PNLIPRP3: variants seen among roughly 807,000 people sequenced by gnomAD.
PNLIPRP3 encodes pancreatic lipase related protein 3.
PNLIPRP3 carries 58 observed loss-of-function variants against 52.8 expected under a neutral mutation model. The observed-to-expected ratio is 1.10, with a 90% confidence interval of 0.89 to 1.37. The LOEUF (loss-of-function observed/expected upper bound fraction) is 1.37. Ranked by LOEUF, PNLIPRP3 falls within the 40% of genes most tolerant of loss-of-function variation. The pLI, the probability that PNLIPRP3 is intolerant of heterozygous loss-of-function variation, is 0.00. For missense variants in PNLIPRP3, 593 were observed against 561.6 expected (o/e 1.06, Z -0.57); for synonymous variants, 192 against 185.0 (o/e 1.04, Z -0.31).
At chr10:116,431,693 G>T (rs1270864258) in intron 1 of PNLIPRP3, among the ~76,000 whole-genome samples, 1 of 152,074 alleles carries the variant, frequency 6.6e-6, no homozygotes, top group Non-Finnish European at 1.5e-5. Flanking sequence ...AAATGAACAA[G>T]CCCAAAAGCA....
chr10:116,475,561 C>T (rs966861590), intron 10 of PNLIPRP3, among the ~76,000 whole-genome samples: 1 of 152,156 alleles, frequency 6.6e-6, no homozygotes, highest in Non-Finnish European at 1.5e-5. Context: ...CTTGGAAGAA[C>T]AGTTTCCTCT....
rs1589977908 is a variant in PNLIPRP3, at chr10:116,443,155, G to A, written c.305G>A (p.Trp102Ter). ...GCTGGATGGAAAACAGATGGCAAAT[G>A]GCAGAGAGACATGTGCAATGTATGA... is the stretch of plus-strand genomic sequence containing the variant. ...NIAGWKTDGK[W>*]QRDMCNVLLQ... Residue 102 changes from tryptophan (W) to a stop codon, truncating the protein, a stop_gained, in exon 3 of 12, where the codon TGG becomes TAG. Coordinates refer to ENST00000369230, the MANE Select transcript of PNLIPRP3 (RefSeq NM_001011709.3). LOFTEE classifies it high-confidence loss of function. 1.9e-6 allele frequency: 3 copies of A among 1,610,612 alleles called. No individual in the cohort carries two copies. Among genetic ancestry groups the A allele is most frequent in the Middle Eastern group, 3.3e-4 (2 of 6,042 alleles).
intron 7 of PNLIPRP3, 115 bp downstream of exon 7, chr10:116,461,405 A>T (rs1846190627): frequency 1.6e-6 from 2 of 1,278,884 alleles, no homozygotes; most frequent in Non-Finnish European, 2.1e-6. Context: ...TTTCTCTCAA[A>T]ACACAGTTGC....
Position 116,428,030 on chromosome 10 carries a change from T to C in PNLIPRP3, c.18T>C (p.Ile6=), listed in dbSNP as rs761729266. 5.0e-6 allele frequency: 8 copies of C among 1,609,598 alleles called. No homozygotes were observed. The highest frequency in any genetic ancestry group is 6.8e-6 in the Non-Finnish European group (8 of 1,176,946). Residue 6 remains isoleucine (I), a synonymous_variant, in exon 1 of 12, where the codon ATT becomes ATC. Coordinates refer to ENST00000369230, the MANE Select transcript of PNLIPRP3 (RefSeq NM_001011709.3). ...CAGCTTAGATGCTTGGAATTTGGAT[T>C]GTTGCATTCTTGTTCTTTGGCACAT... MLGIW[I]VAFLFFGTSR...
intron 4 of PNLIPRP3, among the ~76,000 whole-genome samples, chr10:116,450,282 G>A (rs958304587): frequency 1.3e-5 from 2 of 152,122 alleles, no homozygotes; most frequent in African/African-American, 4.8e-5. Context: ...TGAGATTTAT[G>A]CATGGACCTT....
At chr10:116,450,147 A>G (rs1846013981) in intron 4 of PNLIPRP3, among the ~76,000 whole-genome samples, 1 of 152,196 alleles carries the variant, frequency 6.6e-6, no homozygotes, top group South Asian at 2.1e-4. Context: ...TTAAAAAGAA[A>G]AAAGCTCTCC....
intron 4 of PNLIPRP3, among the ~76,000 whole-genome samples, chr10:116,445,556 T>TAGA (rs1396962640): frequency 2.9e-5 from 1 of 34,894 alleles, no homozygotes; most frequent in Admixed American, 2.8e-4. Context: ...ATCTTCTCTT[T>TAGA]ATAAAAAAAA....
intron 10 of PNLIPRP3, among the ~76,000 whole-genome samples, chr10:116,474,205 C>G (rs1260442597): frequency 6.6e-6 from 1 of 152,142 alleles, no homozygotes; most frequent in Non-Finnish European, 1.5e-5. Flanking sequence ...AAAGAATCCC[C>G]TACTCAATAA....
intron 1 of PNLIPRP3, 23 bp downstream of exon 1, chr10:116,428,084 A>T (rs540730504): frequency 6.5e-7 from 1 of 1,543,282 alleles, no homozygotes; most frequent in Admixed American, 1.7e-5. Context: ...ATTTATAATA[A>T]GTTCTTTAAA....
chr10:116,451,959 C>T (rs540543812), intron 4 of PNLIPRP3, among the ~76,000 whole-genome samples: 1 of 152,054 alleles, frequency 6.6e-6, no homozygotes. Flanking sequence ...CAGAAGAATA[C>T]AGGAAGATGA....
chr10:116,476,583 G>A, intron 10 of PNLIPRP3, 69 bp from the exon 11 acceptor site: 1 of 1,272,010 alleles, frequency 7.9e-7, no homozygotes, highest in Non-Finnish European at 1.1e-6. Context: ...TGCATACACA[G>A]ATGTGTTTTC....
chr10:116,436,865 G>A lies in PNLIPRP3; in HGVS notation c.204G>A (p.Gln68=), dbSNP rs1845782226. The A allele has an allele frequency of 6.3e-7, 1 of 1,578,486 alleles. No homozygotes were observed. The highest frequency in any genetic ancestry group is 2.3e-5 in the East Asian group (1 of 44,302). ...CTATACACAATCCCAATGCCTATCAGGTAAGCTAACTTGCAGCCTTCACAC... is the reference window on the plus strand; with the variant it reads ...CTATACACAATCCCAATGCCTATCAAGTAAGCTAACTTGCAGCCTTCACAC... ...LYTIHNPNAY[Q]EISAVNSSTI... is the part of the protein sequence containing the mutation. Residue 68 remains glutamine (Q), a splice_region_variant and synonymous_variant, in exon 2 of 12, where the codon CAG becomes CAA. Coordinates refer to ENST00000369230, the MANE Select transcript of PNLIPRP3 (RefSeq NM_001011709.3).
At chr10:116,444,329 TCG>T (rs1845910605) in intron 3 of PNLIPRP3, 51 bp from the exon 4 acceptor site, 1 of 1,455,756 alleles carries the variant, frequency 6.9e-7, no homozygotes, top group Non-Finnish European at 9.3e-7. Flanking sequence ...TTGAGACACG[TCG>T]GTTTCCTTGA....
chr10:116,477,331 C>A lies in PNLIPRP3; in HGVS notation c.*178C>A. On this transcript the variant is annotated 3_prime_UTR_variant, in exon 12 of 12. Coordinates refer to ENST00000369230, the MANE Select transcript of PNLIPRP3 (RefSeq NM_001011709.3). ...TGTGTAGAATGTTCATCTAACTGCA[C>A]CTTAAAAACACACTGAACCCTGGGA... is the stretch of plus-strand genomic sequence containing the variant. 1 of 455,422 alleles carries A rather than the reference C, an allele frequency of 2.2e-6. No homozygotes were observed. Among genetic ancestry groups the A allele is most frequent in the South Asian group, 4.0e-5 (1 of 24,966 alleles). 28.2% of individuals were successfully genotyped at this position (455,422 alleles called of 1,614,324 possible).
At chr10:116,468,056 C>T (rs933601616) in intron 8 of PNLIPRP3, among the ~76,000 whole-genome samples, 2 of 129,090 alleles carry the variant, frequency 1.5e-5, no homozygotes, top group Non-Finnish European at 3.1e-5. Context: ...ACCCGGGAGG[C>T]GGAGCTTGCA....
intron 2 of PNLIPRP3, chr10:116,439,601 C>T (rs939889410): frequency 6.4e-6 from 5 of 778,714 alleles, no homozygotes; most frequent in South Asian, 1.4e-5. Context: ...CATACTTTTT[C>T]AGCTTTGCCA....
intron 3 of PNLIPRP3, among the ~76,000 whole-genome samples, chr10:116,443,802 CATATATATATATATATAT>C (rs1200044232): frequency 3.1e-4 from 4 of 13,104 alleles, no homozygotes; most frequent in African/African-American, 4.5e-4. Context: ...TGTGTGTGTG[CATATATATATATATATAT>C]ATATATATAT....
chr10:116,446,866 G>T (rs747150913), intron 4 of PNLIPRP3, among the ~76,000 whole-genome samples: 11 of 152,122 alleles, frequency 7.2e-5, no homozygotes, highest in East Asian at 5.8e-4. Flanking sequence ...CTAGCTTCCC[G>T]CTTCACCTTG....
At position 116,436,839 on chromosome 10, in the gene PNLIPRP3, A is replaced by G. The variant is rs750625930; in HGVS notation, c.178A>G (p.Thr60Ala). Residue 60 changes from threonine to alanine, a missense_variant, in exon 2 of 12, where the codon ACT becomes GCT. Transcript: ENST00000369230. Reference sequence around the variant, plus strand: ...GATAAACACTCGTTTCCTGCTCTACACTATACACAATCCCAATGCCTATCA... The same window carrying G: ...GATAAACACTCGTTTCCTGCTCTACGCTATACACAATCCCAATGCCTATCA... ...EKINTRFLLY[T>A]IHNPNAYQEI... 1.2e-6 allele frequency: 2 copies of G among 1,608,974 alleles called. No homozygotes were observed. The highest frequency in any genetic ancestry group is 1.7e-5 in the Admixed American group (1 of 59,454).
Sources: allele counts gnomAD v4.1 joint callset (sites outside exome capture counted in the v4.1 genomes callset), GRCh38; gene constraint gnomAD v4.1.1; transcripts MANE v1.5; gene names NCBI Gene and HGNC (gene_info 2026-07-23, HGNC 2026-07-21).